HEATR5A: variants seen among roughly 807,000 people sequenced by gnomAD.
HEATR5A encodes the protein HEAT repeat containing 5A, also known as HEAT repeat-containing protein 5A.
A neutral mutation model predicts 218.8 loss-of-function variants in HEATR5A; 178 were observed. That is an observed-to-expected ratio of 0.81 (90% confidence interval 0.72 to 0.92). The LOEUF (loss-of-function observed/expected upper bound fraction) is 0.92, where lower values mean the gene tolerates loss of function less well. Among genes scored for constraint, HEATR5A ranks in the 40% least tolerant of loss-of-function variants. HEATR5A has a pLI of 0.00. For synonymous variants in HEATR5A, 864 were observed against 871.6 expected (o/e 0.99, Z 0.15); for missense variants, 2,420 against 2,418.9 (o/e 1.00, Z -0.01).
At chr14:31,390,198 G>C (rs1250850427) in intron 6 of HEATR5A, among the ~76,000 whole-genome samples, 1 of 152,150 alleles carries the variant, frequency 6.6e-6, no homozygotes, top group Non-Finnish European at 1.5e-5. Context: ...GGGTAGGTAG[G>C]AGACAGGTCA....
At chr14:31,326,488 T>C (rs577463350) in intron 22 of HEATR5A, 146 bp from the exon 23 acceptor site, 10 of 626,302 alleles carry the variant, frequency 1.6e-5, no homozygotes, top group Middle Eastern at 4.2e-4. Flanking sequence ...TCTACTGAGA[T>C]CCATTTTAGT....
chr14:31,400,558 A>G, intron 2 of HEATR5A, 46 bp from the exon 3 acceptor site: 1 of 1,218,366 alleles, frequency 8.2e-7, no homozygotes, highest in African/African-American at 1.5e-5. Context: ...CAATATAATT[A>G]TCTGTAATCC....
rs1314172788 is a variant in HEATR5A at position 31,305,168 on chromosome 14, C to A, written c.4976G>T (p.Gly1659Val). The A allele has an allele frequency of 6.2e-7, 1 of 1,613,016 alleles. No homozygotes were observed. The highest frequency in any genetic ancestry group is 1.1e-5 in the South Asian group (1 of 90,898). The change falls in exon 32 of 36, where the codon GGG becomes GTG. Residue 1659 changes from glycine to valine, a missense_variant. Gly to Val is a moderately radical substitution (Grantham distance 109). Coordinates refer to ENST00000543095, the MANE Select transcript of HEATR5A (RefSeq NM_015473.4). ...TGGCAGAGTTTCCTTTTCAGCAGCC[C>A]CATCATCAACTAAAAGAAAGAATAG... ...EKRRSAEVDD[G>V]AAEKETLPEF...
chr14:31,406,463 C>T (rs774604043), intron 1 of HEATR5A, among the ~76,000 whole-genome samples: 33 of 152,276 alleles, frequency 2.2e-4, no homozygotes, highest in Middle Eastern at 3.4e-3. Flanking sequence ...CTTGAATAAT[C>T]TGCCAAATTG....
intron 16 of HEATR5A, among the ~76,000 whole-genome samples, chr14:31,355,968 T>C (rs1364649654): frequency 6.6e-6 from 1 of 152,192 alleles, no homozygotes; most frequent in African/African-American, 2.4e-5. Context: ...CTAACCACAA[T>C]AACAACAAAA....
chr14:31,298,508 C>G (rs1156315740), intron 33 of HEATR5A, among the ~76,000 whole-genome samples: 1 of 152,150 alleles, frequency 6.6e-6, no homozygotes, highest in African/African-American at 2.4e-5. Context: ...GTTGCCCACA[C>G]TGGTCTTGAA....
intron 23 of HEATR5A, 42 bp from the exon 24 acceptor site, chr14:31,323,846 AG>A: frequency 8.3e-7 from 1 of 1,209,056 alleles, no homozygotes; most frequent in Non-Finnish European, 1.1e-6. Flanking sequence ...ATCAACTGAA[AG>A]ATATATATAT....
Position 31,388,913 on chromosome 14 carries a change from G to A in HEATR5A, c.865C>T (p.Arg289Ter), listed in dbSNP as rs753905041. The A allele has an allele frequency of 1.9e-6, 3 of 1,613,740 alleles. No individual in the cohort carries two copies. The highest frequency in any genetic ancestry group is 1.1e-5 in the South Asian group (1 of 91,078). ...CCTTTCAGCATATCTCCACTGGCTCGAAGGAATCCTGAACTCCCACGTAGA... is the reference window on the plus strand; with the variant it reads ...CCTTTCAGCATATCTCCACTGGCTCAAAGGAATCCTGAACTCCCACGTAGA... ...GFLRGSSGFL[R>*]ASGDMLKGTS... The change falls in exon 7 of 36, where the codon CGA becomes TGA. Residue 289 changes from arginine to a stop codon, truncating the protein, a stop_gained. Coordinates refer to ENST00000543095, the MANE Select transcript of HEATR5A (RefSeq NM_015473.4). LOFTEE classifies it high-confidence loss of function.
chr14:31,321,059 C>T (rs1443356205), intron 25 of HEATR5A, among the ~76,000 whole-genome samples: 2 of 151,964 alleles, frequency 1.3e-5, no homozygotes, highest in Admixed American at 1.3e-4. Flanking sequence ...ACAGATCCTC[C>T]CCCCTTTCTT....
intron 1 of HEATR5A, among the ~76,000 whole-genome samples, chr14:31,412,633 T>C (rs973300420): frequency 1.3e-5 from 2 of 152,096 alleles, no homozygotes; most frequent in Admixed American, 1.3e-4. Context: ...CTCACGCCTG[T>C]TAATTCCAGC....
intron 1 of HEATR5A, among the ~76,000 whole-genome samples, chr14:31,411,706 T>C (rs934352870): frequency 3.9e-5 from 6 of 152,322 alleles, no homozygotes; most frequent in Middle Eastern, 6.8e-3. Flanking sequence ...GTTTTAACCA[T>C]AGGCTTCTCC....
At chr14:31,402,700 A>T in intron 2 of HEATR5A, 150 bp downstream of exon 2, 2 of 652,376 alleles carry the variant, frequency 3.1e-6, no homozygotes, top group Non-Finnish European at 4.7e-6. Flanking sequence ...CTGATGAGGG[A>T]ACAAAAAATG....
intron 22 of HEATR5A, among the ~76,000 whole-genome samples, chr14:31,326,873 G>C (rs1344431362): frequency 1.3e-5 from 2 of 151,878 alleles, no homozygotes; most frequent in African/African-American, 4.8e-5. Context: ...TCAAATTCCT[G>C]ACCTGAGGCG....
chr14:31,304,920 C>T lies in HEATR5A; in HGVS notation c.5224G>A (p.Val1742Met). The change falls in exon 32 of 36, where the codon GTG becomes ATG. Residue 1742 changes from valine to methionine, a missense_variant. By Grantham distance (21) the Val-to-Met change is conservative (BLOSUM62 1). Coordinates refer to ENST00000543095, the MANE Select transcript of HEATR5A (RefSeq NM_015473.4). ...ALVILSELPAVCSPEGSISIL... is the reference protein window; with the variant it reads ...ALVILSELPAMCSPEGSISIL... ...CACAGCATACCTTCAGGAGAGCACA[C>T]TGCAGGAAGTTCGGAAAGGATAACC... is the stretch of plus-strand genomic sequence containing the variant. The T allele has an allele frequency of 1.2e-6, 2 of 1,613,940 alleles. No individual in the cohort carries two copies. Among genetic ancestry groups the T allele is most frequent in the South Asian group, 2.2e-5 (2 of 91,072 alleles).
At chr14:31,380,873 T>C (rs1330407799) in intron 10 of HEATR5A, among the ~76,000 whole-genome samples, 1 of 152,264 alleles carries the variant, frequency 6.6e-6, no homozygotes. Context: ...AGAATTTGAA[T>C]TTACTTTTAG....
intron 16 of HEATR5A, among the ~76,000 whole-genome samples, chr14:31,353,728 G>A (rs1392822777): frequency 1.0e-4 from 7 of 67,132 alleles, no homozygotes; most frequent in East Asian, 3.7e-4. Context: ...AGAATGAGAC[G>A]CTGCCTCAAA....
At position 31,313,017 on chromosome 14, in the gene HEATR5A, A is replaced by G. The variant is rs1024559521; in HGVS notation, c.4392T>C (p.Phe1464=). 5.0e-6 allele frequency: 8 copies of G among 1,613,918 alleles called. No homozygotes were observed. Among genetic ancestry groups the G allele is most frequent in the Non-Finnish European group, 6.8e-6 (8 of 1,179,896 alleles). Residue 1464 remains phenylalanine (F), a synonymous_variant, in exon 28 of 36, where the codon TTT becomes TTC. Coordinates refer to ENST00000543095, the MANE Select transcript of HEATR5A (RefSeq NM_015473.4). Reference sequence around the variant, plus strand: ...ATTCTGAAGGCAAAGTTAAAAGAGCAAAATCCTGAAGTGCAGCAAGCCAGA... The same window carrying G: ...ATTCTGAAGGCAAAGTTAAAAGAGCGAAATCCTGAAGTGCAGCAAGCCAGA... ...SRLWLAALQD[F]ALLTLPSEFA...
intron 11 of HEATR5A, among the ~76,000 whole-genome samples, chr14:31,377,144 A>T (rs1244476964): frequency 1.3e-5 from 2 of 151,808 alleles, no homozygotes; most frequent in African/African-American, 2.4e-5. Flanking sequence ...AAAAAAAAAA[A>T]AAAATTCCAT....
At chr14:31,409,387 C>T (rs61994162) in intron 1 of HEATR5A, among the ~76,000 whole-genome samples, 146,308 of 151,538 alleles carry the variant, frequency 0.97, 70,815 homozygotes, top group Middle Eastern at 1. Context: ...TCCAAAACCA[C>T]ATCTAAGAGC....
Sources: allele counts gnomAD v4.1 joint callset (sites outside exome capture counted in the v4.1 genomes callset), GRCh38; gene constraint gnomAD v4.1.1; transcripts MANE v1.5; gene names NCBI Gene and HGNC (gene_info 2026-07-23, HGNC 2026-07-21).